ITLN1: variants seen among roughly 807,000 people sequenced by gnomAD.
ITLN1 encodes intelectin-1.
A neutral mutation model predicts 36.2 loss-of-function variants in ITLN1; 29 were observed. That is an observed-to-expected ratio of 0.80 (90% CI 0.60 to 1.09). ITLN1 has a LOEUF of 1.09. ITLN1 is among the 50% of genes least tolerant of loss of function. The pLI is 0.00. For synonymous variants in ITLN1, 143 were observed against 146.5 expected, an observed-to-expected ratio of 0.98 and a Z score of 0.17; for missense variants, 358 against 405.2, an observed-to-expected ratio of 0.88 and a Z score of 1.00.
chr1:160,881,486 AC>A, intron 4 of ITLN1, 174 bp from the exon 5 acceptor site: 1 of 636,722 alleles, frequency 1.6e-6, no homozygotes, highest in Non-Finnish European at 2.5e-6. Flanking sequence ...CAGGGCCCTA[AC>A]AGCCTTGTTA....
chr1:160,878,426 C>T (rs1364188537), intron 7 of ITLN1, among the ~76,000 whole-genome samples: 2 of 151,092 alleles, frequency 1.3e-5, no homozygotes, highest in African/African-American at 2.4e-5. Flanking sequence ...CACTCTGTCA[C>T]CCAGGTTGGA....
In ITLN1 at chr1:160,881,324, CAG is replaced by C; in HGVS notation, c.406-14_406-13del. ...TAGTAGCCAGGGTTCTGGAAAGCAA[CAG>C]ACACTGAGCCTGACTGGGCCAGGAG... On this transcript the variant is annotated splice_polypyrimidine_tract_variant and intron_variant, in intron 4 of 7. Transcript: ENST00000326245. 1 of 1,575,512 alleles carries C rather than the reference CAG, an allele frequency of 6.3e-7. No individual in the cohort carries two copies. The highest frequency in any genetic ancestry group is 1.2e-5 in the South Asian group (1 of 84,292).
intron 7 of ITLN1, among the ~76,000 whole-genome samples, chr1:160,877,181 G>C (rs913735313): frequency 1.3e-5 from 2 of 151,906 alleles, no homozygotes; most frequent in African/African-American, 2.4e-5. Flanking sequence ...AGGTTGCGGT[G>C]AGCTTAGATC....
chr1:160,878,435 G>C (rs1194084272), intron 7 of ITLN1, among the ~76,000 whole-genome samples: 2 of 149,482 alleles, frequency 1.3e-5, no homozygotes, highest in East Asian at 3.9e-4. Context: ...ACCCAGGTTG[G>C]AGTGCAGTGG....
intron 6 of ITLN1, among the ~76,000 whole-genome samples, chr1:160,879,717 C>T (rs201454789): frequency 6.6e-6 from 1 of 152,334 alleles, no homozygotes; most frequent in East Asian, 1.9e-4. Context: ...TCTCCAAGGG[C>T]TGAGTTGCAG....
intron 4 of ITLN1, among the ~76,000 whole-genome samples, chr1:160,881,689 G>C (rs1325394406): frequency 6.6e-6 from 1 of 151,260 alleles, no homozygotes; most frequent in African/African-American, 2.4e-5. Context: ...GGCGCTTGTA[G>C]TCCCAGCTAC....
At chr1:160,880,396 C>T (rs1419522156) in intron 6 of ITLN1, among the ~76,000 whole-genome samples, 192 bp downstream of exon 6, 2 of 152,078 alleles carry the variant, frequency 1.3e-5, no homozygotes, top group African/African-American at 2.4e-5. Context: ...TTCTAAACCT[C>T]TCAGTGCTTC....
In ITLN1 at chr1:160,879,366, C is replaced by T. The variant is rs752866415; in HGVS notation, c.734G>A (p.Arg245Lys). The T allele has an allele frequency of 3.7e-6, 6 of 1,614,218 alleles. No homozygotes were observed. The highest frequency in any genetic ancestry group is 1.7e-5 in the Admixed American group (1 of 60,026). Reference protein sequence around the residue: ...FVQFRVFNNERAANALCAGMR... With the variant: ...FVQFRVFNNEKAANALCAGMR... ...TCCAGCACACAAGGCGTTGGCTGCTCTCTCGTTATTAAATACCCTGAACTG... is the reference window on the plus strand; with the variant it reads ...TCCAGCACACAAGGCGTTGGCTGCTTTCTCGTTATTAAATACCCTGAACTG... Residue 245 changes from arginine (R) to lysine (K), a missense_variant, in exon 7 of 8, where the codon AGA (arginine) becomes AAA (lysine). Arg to Lys is a conservative substitution (Grantham distance 26, BLOSUM62 2). Coordinates refer to ENST00000326245, the MANE Select transcript of ITLN1 (RefSeq NM_017625.3).
In ITLN1 at chr1:160,883,496, G is replaced by A. The variant is rs1225983668; in HGVS notation, c.89C>T (p.Thr30Ile). The A allele has an allele frequency of 6.2e-7, 1 of 1,613,116 alleles. No individual in the cohort carries two copies. The highest frequency in any genetic ancestry group is 1.1e-5 in the South Asian group (1 of 91,044). Residue 30 changes from threonine (T) to isoleucine (I), a missense_variant, in exon 3 of 8, where the codon ACC becomes ATC. Transcript: ENST00000326245. The stretch of plus-strand genomic sequence containing the variant: ...GGGCAGAGATGGAGACGAAGAACAG[G>A]TCCATTCCTTGAAGTAAGTATTAGC... The part of the protein sequence containing the change: ...DEANTYFKEW[T>I]CSSSPSLPRS...
At chr1:160,879,179 A>G in intron 7 of ITLN1, 132 bp downstream of exon 7, 2 of 721,702 alleles carry the variant, frequency 2.8e-6, no homozygotes, top group Admixed American at 4.2e-5. Flanking sequence ...GCAATGAGCA[A>G]GAGAAGGTCA....
At chr1:160,880,779 C>CTGGTAA in intron 5 of ITLN1, 71 bp from the exon 6 acceptor site, 2 of 1,540,430 alleles carry the variant, frequency 1.3e-6, no homozygotes, top group Non-Finnish European at 1.8e-6. Context: ...TCCTGGGATG[C>CTGGTAA]TGCCATTCAT....
chr1:160,882,329 T>A, intron 3 of ITLN1, 125 bp from the exon 4 acceptor site: 2 of 1,272,652 alleles, frequency 1.6e-6, no homozygotes, highest in Non-Finnish European at 2.1e-6. Flanking sequence ...CTCACATCAC[T>A]AAGTGCTCCC....
intron 4 of ITLN1, among the ~76,000 whole-genome samples, chr1:160,881,718 C>T (rs1670681428): frequency 1.3e-5 from 2 of 149,682 alleles, no homozygotes; most frequent in African/African-American, 5.0e-5. Flanking sequence ...CAGAGGATCA[C>T]TTGAACCCAG....
Position 160,881,433 on chromosome 1 carries a change from C to T in ITLN1, c.406-121G>A, listed in dbSNP as rs557597680. 7 of 1,124,090 alleles carry T rather than the reference C, an allele frequency of 6.2e-6. No individual in the cohort carries two copies. In the South Asian group the frequency reaches 1.3e-4, roughly 21 times the overall value. The allele number at this position is 1,124,090 out of a possible 1,614,324, so 69.6% of individuals were successfully genotyped here. A position where few individuals can be genotyped will look rare whatever the true frequency, so the allele number is the denominator to read the frequency against. ...GACTCCAGATGAGCAGATGGCCAACCATACTCAGACACCCCACTCCCAGCC... is the reference window on the plus strand; with the variant it reads ...GACTCCAGATGAGCAGATGGCCAACTATACTCAGACACCCCACTCCCAGCC... On this transcript the variant is annotated intron_variant, in intron 4 of 7. Transcript: ENST00000326245.
At chr1:160,882,968 C>T (rs1386598989) in intron 3 of ITLN1, among the ~76,000 whole-genome samples, 1 of 152,112 alleles carries the variant, frequency 6.6e-6, no homozygotes, top group Admixed American at 6.6e-5. Context: ...CTCCTGAGTT[C>T]AAGCGATCCT....
intron 7 of ITLN1, among the ~76,000 whole-genome samples, chr1:160,877,546 C>T (rs1039599598): frequency 6.6e-6 from 1 of 152,088 alleles, no homozygotes; most frequent in Non-Finnish European, 1.5e-5. Context: ...CTCCAAATGA[C>T]CAAAATAGAG....
chr1:160,879,544 A>G (rs574578183), intron 6 of ITLN1, 130 bp from the exon 7 acceptor site: 6 of 704,118 alleles, frequency 8.5e-6, no homozygotes, highest in East Asian at 8.1e-5. Context: ...GGTGGAGCCC[A>G]GCACCCCTGT....
In ITLN1 at chr1:160,876,790, A is replaced by C; in HGVS notation, c.816T>G (p.Phe272Leu). Residue 272 changes from phenylalanine to leucine, a missense_variant, in exon 8 of 8, where the codon TTT (phenylalanine) becomes TTG (leucine). By Grantham distance (22) the Phe-to-Leu change is conservative (BLOSUM62 0). Coordinates refer to ENST00000326245, the MANE Select transcript of ITLN1 (RefSeq NM_017625.3). Reference protein sequence around the residue: ...EHHCIGGGGYFPEASPQQCGD... With the variant: ...EHHCIGGGGYLPEASPQQCGD... ...CACACTGCTGGGGACTGGCCTCTGG[A>C]AAGTATCCTCCTCCACCAATGCAGT... 1 of 1,614,222 alleles carries C rather than the reference A, an allele frequency of 6.2e-7. No individual in the cohort carries two copies.
intron 6 of ITLN1, 135 bp from the exon 7 acceptor site, chr1:160,879,549 C>T (rs961697078): frequency 7.0e-5 from 48 of 681,382 alleles, no homozygotes; most frequent in Non-Finnish European, 1.1e-4. Context: ...AGCCCAGCAC[C>T]CCTGTGGCCA....
Sources: allele counts gnomAD v4.1 joint callset (sites outside exome capture counted in the v4.1 genomes callset), GRCh38; gene constraint gnomAD v4.1.1; transcripts MANE v1.5; gene names NCBI Gene and HGNC (gene_info 2026-07-23, HGNC 2026-07-21).